The following CPED1 variants were observed in gnomAD, a reference collection of about 807,000 sequenced individuals.
CPED1 encodes the protein cadherin like and PC-esterase domain containing 1, also known as cadherin-like and PC-esterase domain-containing protein 1.
CPED1 carries 114 observed loss-of-function variants against 128.2 expected under a neutral mutation model. The observed-to-expected ratio is 0.89, with a 90% confidence interval of 0.76 to 1.04. The LOEUF (loss-of-function observed/expected upper bound fraction) is 1.04. Ranked by LOEUF, CPED1 falls within the 50% of genes least tolerant of loss-of-function variation. The probability of loss-of-function intolerance (pLI) is 0.00; values close to 1 mark genes in which losing one functional copy is unlikely to be tolerated. For synonymous variants in CPED1, 462 were observed against 426.7 expected (o/e 1.08, Z -1.02); for missense variants, 1,211 against 1,207.1 (o/e 1.00, Z -0.05).
chr7:121,199,998 G>A (rs977839872), intron 16 of CPED1, among the ~76,000 whole-genome samples: 2 of 151,984 alleles, frequency 1.3e-5, no homozygotes, highest in Non-Finnish European at 1.5e-5. Flanking sequence ...TACTTACAGT[G>A]CATCTCATCT....
At chr7:121,270,495 C>T (rs994274414) in intron 21 of CPED1, among the ~76,000 whole-genome samples, 3 of 151,920 alleles carry the variant, frequency 2.0e-5, no homozygotes, top group Non-Finnish European at 2.9e-5. Flanking sequence ...CTAGTTTTCT[C>T]CTAGGATTTT....
intron 22 of CPED1, among the ~76,000 whole-genome samples, chr7:121,290,692 T>G (rs1024191024): frequency 5.3e-5 from 8 of 152,238 alleles, no homozygotes; most frequent in African/African-American, 1.9e-4. Flanking sequence ...CCTTGTAGAT[T>G]CTGGATTTAG....
At chr7:121,132,620 A>C (rs1347717007) in intron 12 of CPED1, among the ~76,000 whole-genome samples, 1 of 152,092 alleles carries the variant, frequency 6.6e-6, no homozygotes, top group Admixed American at 6.6e-5. Context: ...AATGTGGTGC[A>C]CCATGTGCTA....
chr7:121,271,603 T>C (rs1174198912), intron 22 of CPED1, among the ~76,000 whole-genome samples, 173 bp downstream of exon 22: 1 of 152,146 alleles, frequency 6.6e-6, no homozygotes, highest in East Asian at 1.9e-4. Context: ...ACCACAACTT[T>C]AGCTCTACCA....
At chr7:121,100,884 A>G (rs1188052827) in intron 7 of CPED1, among the ~76,000 whole-genome samples, 1 of 152,150 alleles carries the variant, frequency 6.6e-6, no homozygotes, top group Non-Finnish European at 1.5e-5. Flanking sequence ...TTCCACCTCA[A>G]GAAGAAGGCA....
chr7:121,279,769 A>G (rs1792410973), intron 22 of CPED1, among the ~76,000 whole-genome samples: 2 of 152,210 alleles, frequency 1.3e-5, no homozygotes, highest in Admixed American at 6.5e-5. Context: ...ATGGAACTGC[A>G]GAAAGTCTGG....
At chr7:121,014,929 G>A (rs1013199773) in intron 2 of CPED1, among the ~76,000 whole-genome samples, 1 of 152,076 alleles carries the variant, frequency 6.6e-6, no homozygotes, top group Admixed American at 6.6e-5. Flanking sequence ...CTGCCTTTAA[G>A]CCTTATAATG....
chr7:121,012,372 A>G (rs1278091744), intron 2 of CPED1, among the ~76,000 whole-genome samples: 1 of 152,234 alleles, frequency 6.6e-6, no homozygotes, highest in Non-Finnish European at 1.5e-5. Context: ...CTCAGAATTA[A>G]CATTATGTAA....
At position 121,271,555 on chromosome 7, in the gene CPED1, G is replaced by A. The variant is rs1792230160; in HGVS notation, c.2868+125G>A. 8.5e-6 allele frequency: 8 copies of A among 937,318 alleles called. No homozygotes were observed. The Admixed American group carries it at 1.9e-4, about 22-fold the overall frequency. The allele number at this position is 937,318 out of a possible 1,614,324, so 58.1% of individuals were successfully genotyped here. On this transcript the variant is annotated intron_variant, in intron 22 of 22. Coordinates refer to ENST00000310396, the MANE Select transcript of CPED1 (RefSeq NM_024913.5). ...AAACAATGTCAGGTGGAGATTAAATGATATATGTTCATCATCATTCAGCCA... is the reference window on the plus strand; with the variant it reads ...AAACAATGTCAGGTGGAGATTAAATAATATATGTTCATCATCATTCAGCCA...
rs554388484 is a variant in CPED1, at chr7:121,256,314, T to C, written c.2311-9913T>C. On this transcript the variant is annotated intron_variant, in intron 18 of 22. Transcript: ENST00000310396. ...ACCATCTGATCTTCAACAAGGCCAG[T>C]GAAAGCAAGCAATGGTGAAAGGCTC... Among the ~76,000 whole-genome samples, 34 of 151,782 alleles carry C rather than the reference T, an allele frequency of 2.2e-4. No individual in the cohort carries two copies. The South Asian group carries it at 7.1e-3, about 31-fold the overall frequency.
intron 16 of CPED1, among the ~76,000 whole-genome samples, chr7:121,234,111 A>G (rs919080737): frequency 6.6e-6 from 1 of 152,018 alleles, no homozygotes; most frequent in Non-Finnish European, 1.5e-5. Flanking sequence ...AGAGACTGGG[A>G]AATCAATTTT....
Position 121,266,423 on chromosome 7 carries a change from A to T in CPED1, c.2507A>T (p.Asn836Ile), listed in dbSNP as rs748461606. 5.0e-6 allele frequency: 8 copies of T among 1,612,742 alleles called. No individual in the cohort carries two copies. The highest frequency in any genetic ancestry group is 6.8e-6 in the Non-Finnish European group (8 of 1,179,166). Reference sequence around the variant, plus strand: ...CCTTCATTGAGACCAACATTTGAAAATGCACTTGAACACCTCTTGCAAAGG... The same window carrying T: ...CCTTCATTGAGACCAACATTTGAAATTGCACTTGAACACCTCTTGCAAAGG... The part of the protein sequence containing the change: ...ISPSLRPTFE[N>I]ALEHLLQRSR... The change falls in exon 19 of 23, where the codon AAT becomes ATT. Residue 836 changes from asparagine (N) to isoleucine (I), a missense_variant. Physicochemically the swap from Asn to Ile is moderately radical, Grantham distance 149 (BLOSUM62 -3). Coordinates refer to ENST00000310396, the MANE Select transcript of CPED1 (RefSeq NM_024913.5).
chr7:121,297,122 AT>A lies in CPED1; in HGVS notation c.*1477del, dbSNP rs565575885. Reference sequence around the variant, plus strand: ...ACAAATCTGCATCTTACAGATGATAATTTTTTTAGAAGAATGATACAGAATT... The same window carrying A: ...ACAAATCTGCATCTTACAGATGATAATTTTTTAGAAGAATGATACAGAATT... On this transcript the variant is annotated 3_prime_UTR_variant, in exon 23 of 23. Transcript: ENST00000310396. 140 of 152,088 alleles carry A rather than the reference AT, an allele frequency of 9.2e-4. No homozygotes were observed. The highest frequency in any genetic ancestry group is 3.2e-3 in the African/African-American group (133 of 41,504). The allele number at this position is 152,088 out of a possible 1,614,324, so 9.4% of individuals were successfully genotyped here.
At chr7:121,158,904 A>G (rs754749051) in intron 16 of CPED1, among the ~76,000 whole-genome samples, 4 of 152,164 alleles carry the variant, frequency 2.6e-5, no homozygotes, top group Non-Finnish European at 4.4e-5. Context: ...AATGTTTTTC[A>G]TGTTAAGAGG....
In CPED1 at chr7:121,296,727, A is replaced by T. The variant is rs992749267; in HGVS notation, c.*1075A>T. ...CATATAATACATACCTAATTATAGT[A>T]GTGAGAACTATTTCTTTTATCTCTT... On this transcript the variant is annotated 3_prime_UTR_variant, in exon 23 of 23. Transcript: ENST00000310396. 3.3e-5 allele frequency: 5 copies of T among 152,200 alleles called. No individual in the cohort carries two copies. Among genetic ancestry groups the T allele is most frequent in the Non-Finnish European group, 7.4e-5 (5 of 67,966 alleles). 9.4% of individuals were successfully genotyped at this position (152,200 alleles called of 1,614,324 possible).
At chr7:121,292,326 T>C (rs1386741908) in intron 22 of CPED1, among the ~76,000 whole-genome samples, 1 of 151,930 alleles carries the variant, frequency 6.6e-6, no homozygotes, top group African/African-American at 2.4e-5. Flanking sequence ...TACCTGTGTA[T>C]GCTTCATGAA....
intron 16 of CPED1, among the ~76,000 whole-genome samples, chr7:121,162,917 A>G (rs1266381722): frequency 6.6e-6 from 1 of 152,242 alleles, no homozygotes; most frequent in Admixed American, 6.5e-5. Context: ...GATTTAAGCC[A>G]ATGAAGTCTA....
At chr7:121,137,522 T>C (rs1187399701) in intron 14 of CPED1, among the ~76,000 whole-genome samples, 1 of 152,060 alleles carries the variant, frequency 6.6e-6, no homozygotes, top group African/African-American at 2.4e-5. Flanking sequence ...CTAATTTTCA[T>C]CTAAAATGCA....
At chr7:121,258,807 G>T (rs914427333) in intron 18 of CPED1, among the ~76,000 whole-genome samples, 1 of 151,966 alleles carries the variant, frequency 6.6e-6, no homozygotes, top group Admixed American at 6.6e-5. Context: ...TGTAAAATTC[G>T]AATTTTTAAC....
Sources: gnomAD v4.1 joint callset for allele counts (sites outside exome capture counted in the v4.1 genomes callset) on GRCh38, gnomAD v4.1.1 for gene constraint, MANE v1.5 for transcripts, NCBI Gene and HGNC (gene_info 2026-07-23, HGNC 2026-07-21) for gene names.